The following THSD7B variants were observed in gnomAD, a reference collection of about 807,000 sequenced individuals.
THSD7B encodes thrombospondin type-1 domain-containing protein 7B.
Under a neutral mutation model 213.6 loss-of-function variants are expected in THSD7B, and 138 were observed. That is an observed-to-expected ratio of 0.65 (90% CI 0.56 to 0.74). The LOEUF (loss-of-function observed/expected upper bound fraction) is 0.74. Ranked by LOEUF, THSD7B falls within the 30% of genes least tolerant of loss-of-function variation. THSD7B has a pLI of 0.00. For missense variants in THSD7B, 1,931 were observed against 1,991.5 expected (o/e 0.97, Z 0.58); for synonymous variants, 742 against 687.0 (o/e 1.08, Z -1.25).
chr2:137,080,368 T>C (rs895112750), intron 3 of THSD7B, among the ~76,000 whole-genome samples: 1 of 39,214 alleles, frequency 2.6e-5, no homozygotes, highest in Non-Finnish European at 4.3e-5. Flanking sequence ...TGCCCAGCTG[T>C]TTTTTTTTTT....
intron 2 of THSD7B, among the ~76,000 whole-genome samples, chr2:137,003,616 G>A (rs1686043929): frequency 1.3e-5 from 2 of 152,168 alleles, no homozygotes; most frequent in South Asian, 4.1e-4. Flanking sequence ...GCACTGGGAA[G>A]ATTCTGACTT....
At chr2:137,096,641 T>G (rs988369550) in intron 4 of THSD7B, among the ~76,000 whole-genome samples, 1 of 152,210 alleles carries the variant, frequency 6.6e-6, no homozygotes, top group African/African-American at 2.4e-5. Flanking sequence ...GTGTTGAGTC[T>G]CTGAAAACAC....
chr2:137,644,428 T>C (rs142815738), intron 21 of THSD7B, among the ~76,000 whole-genome samples: 1 of 152,198 alleles, frequency 6.6e-6, no homozygotes, highest in Non-Finnish European at 1.5e-5. Context: ...CACATTTTTC[T>C]ACCTTATAGA....
chr2:137,537,132 G>A (rs1051074434), intron 15 of THSD7B, among the ~76,000 whole-genome samples: 9 of 151,756 alleles, frequency 5.9e-5, no homozygotes, highest in African/African-American at 1.7e-4. Flanking sequence ...AAATTCCAAT[G>A]CATGGGCAGT....
intron 4 of THSD7B, among the ~76,000 whole-genome samples, chr2:137,105,436 C>G (rs1447916167): frequency 6.6e-6 from 1 of 152,078 alleles, no homozygotes; most frequent in Non-Finnish European, 1.5e-5. Flanking sequence ...ATTACAAACC[C>G]ACAGCCAATA....
intron 2 of THSD7B, among the ~76,000 whole-genome samples, chr2:136,926,343 C>A (rs1250077932): frequency 6.6e-6 from 1 of 151,756 alleles, no homozygotes; most frequent in Non-Finnish European, 1.5e-5. Context: ...ACCCCCATGA[C>A]ATAAGTTTAC....
chr2:136,927,183 T>G (rs1259749266), intron 2 of THSD7B, among the ~76,000 whole-genome samples: 1 of 150,404 alleles, frequency 6.6e-6, no homozygotes, highest in Non-Finnish European at 1.5e-5. Flanking sequence ...TCTTGCCAGT[T>G]TTTTTTTTTT....
At chr2:137,317,595 G>T (rs1401954285) in intron 12 of THSD7B, among the ~76,000 whole-genome samples, 1 of 152,130 alleles carries the variant, frequency 6.6e-6, no homozygotes, top group East Asian at 1.9e-4. Context: ...CACAAAACGT[G>T]GGCTTTAAAA....
chr2:137,095,965 G>A (rs1432739318), intron 4 of THSD7B, among the ~76,000 whole-genome samples: 4 of 152,174 alleles, frequency 2.6e-5, no homozygotes, highest in South Asian at 2.1e-4. Context: ...GCTTCTCAAA[G>A]TGCTGGGATT....
intron 1 of THSD7B, among the ~76,000 whole-genome samples, chr2:136,780,415 C>G (rs902969116): frequency 2.0e-5 from 3 of 152,156 alleles, no homozygotes; most frequent in African/African-American, 7.2e-5. Context: ...GTTAGGAGTT[C>G]AACATATGAA....
At chr2:137,219,418 A>T (rs1411135692) in intron 7 of THSD7B, among the ~76,000 whole-genome samples, 1 of 152,074 alleles carries the variant, frequency 6.6e-6, no homozygotes, top group Non-Finnish European at 1.5e-5. Context: ...ATCCAAAGAC[A>T]AGAACTGGCA....
At chr2:137,303,694 T>TAA (rs1553437342) in intron 12 of THSD7B, among the ~76,000 whole-genome samples, 1 of 93,964 alleles carries the variant, frequency 1.1e-5, no homozygotes, top group Non-Finnish European at 1.9e-5. Context: ...TTATATATAT[T>TAA]TATATATATT....
intron 5 of THSD7B, chr2:137,155,984 C>T (rs1243209925): frequency 3.3e-5 from 5 of 152,156 alleles, no homozygotes; most frequent in African/African-American, 9.7e-5. Context: ...AGGCTTAGCT[C>T]TTGCTTTGCT....
At chr2:136,963,346 A>G (rs886545981) in intron 2 of THSD7B, among the ~76,000 whole-genome samples, 23 of 152,282 alleles carry the variant, frequency 1.5e-4, no homozygotes, top group Non-Finnish European at 2.4e-4. Flanking sequence ...TAGGCAGCAG[A>G]AAAGGGAAAT....
intron 2 of THSD7B, among the ~76,000 whole-genome samples, chr2:137,011,987 C>T (rs146235334): frequency 3.3e-5 from 5 of 152,170 alleles, no homozygotes; most frequent in East Asian, 1.9e-4. Flanking sequence ...ATAAAAAATA[C>T]GTGGAATAAG....
chr2:136,780,788 A>G (rs113182320), intron 1 of THSD7B, among the ~76,000 whole-genome samples: 2 of 152,318 alleles, frequency 1.3e-5, no homozygotes, highest in African/African-American at 4.8e-5. Flanking sequence ...TTTAAATACA[A>G]AGGCATTTCT....
Position 137,275,992 on chromosome 2 carries a change from C to T in THSD7B, c.2466C>T (p.Ser822=). 6.2e-7 allele frequency: 1 copy of T among 1,612,048 alleles called. No homozygotes were observed. Among genetic ancestry groups the T allele is most frequent in the Non-Finnish European group, 8.5e-7 (1 of 1,178,842 alleles). ...PESVWQGITG[S]SEACGKGLQT... ...CTGTCTGGCAGGGAATAACGGGCAG[C>T]AGTGAAGCCTGTGGAAAGGGGTTAC... The change falls in exon 12 of 28, where the codon AGC becomes AGT. Residue 822 remains serine, a synonymous_variant. Transcript: ENST00000409968.
At chr2:137,021,211 A>G (rs1170818050) in intron 2 of THSD7B, among the ~76,000 whole-genome samples, 1 of 152,142 alleles carries the variant, frequency 6.6e-6, no homozygotes, top group Admixed American at 6.5e-5. Context: ...GTCTAGAGCC[A>G]CTCTGTCCAC....
At chr2:137,493,277 A>G (rs919155095) in intron 15 of THSD7B, among the ~76,000 whole-genome samples, 7 of 152,102 alleles carry the variant, frequency 4.6e-5, no homozygotes, top group African/African-American at 1.7e-4. Flanking sequence ...TACTGCATTT[A>G]CTGAAGACGT....
Sources: allele counts gnomAD v4.1 joint callset (sites outside exome capture counted in the v4.1 genomes callset), GRCh38; gene constraint gnomAD v4.1.1; transcripts MANE v1.5; gene names NCBI Gene and HGNC (gene_info 2026-07-23, HGNC 2026-07-21).